KAT6A: variants seen among roughly 807,000 people sequenced by gnomAD.
KAT6A encodes histone acetyltransferase KAT6A.
KAT6A carries 9 observed loss-of-function variants against 198.4 expected under a neutral mutation model. The observed-to-expected ratio is 0.05, with a 90% CI of 0.03 to 0.08. KAT6A has a LOEUF of 0.08. Among genes scored for constraint, KAT6A ranks in the 10% least tolerant of loss-of-function variants. The probability of loss-of-function intolerance (pLI) is 1.00; values close to 1 mark genes in which losing one functional copy is unlikely to be tolerated. For missense variants in KAT6A, 2,077 were observed against 2,509.9 expected (o/e 0.83, Z 3.69); for synonymous variants, 890 against 883.0 (o/e 1.01, Z -0.14).
chr8:41,991,447 G>A (rs1824942202), intron 2 of KAT6A, among the ~76,000 whole-genome samples: 1 of 152,038 alleles, frequency 6.6e-6, no homozygotes, highest in Non-Finnish European at 1.5e-5. Context: ...TCAGGAAAGT[G>A]GTCACCTTTG....
At chr8:42,019,867 C>T (rs72641407) in intron 2 of KAT6A, among the ~76,000 whole-genome samples, 3,570 of 152,248 alleles carry the variant, frequency 0.023, 55 homozygotes, top group Middle Eastern at 0.044. Context: ...TTTAGGAGTT[C>T]TAACTAAAGT....
intron 8 of KAT6A, among the ~76,000 whole-genome samples, chr8:41,963,926 G>C (rs1823331310): frequency 6.6e-6 from 1 of 151,930 alleles, no homozygotes; most frequent in Non-Finnish European, 1.5e-5. Context: ...CTTGCTACTA[G>C]AAATGCCTTC....
chr8:42,032,958 C>T (rs1208763596), intron 2 of KAT6A, among the ~76,000 whole-genome samples: 1 of 144,772 alleles, frequency 6.9e-6, no homozygotes, highest in Non-Finnish European at 1.5e-5. Flanking sequence ...CAGCTCACGG[C>T]AAACTCTGCC....
chr8:41,940,807 T>C, intron 15 of KAT6A, 35 bp downstream of exon 15: 3 of 1,576,600 alleles, frequency 1.9e-6, no homozygotes, highest in Non-Finnish European at 2.6e-6. Context: ...AAACTGGAAT[T>C]GGAGGAAGAG....
At chr8:41,952,757 T>C (rs1475878395) in intron 9 of KAT6A, among the ~76,000 whole-genome samples, 1 of 152,182 alleles carries the variant, frequency 6.6e-6, no homozygotes, top group Admixed American at 6.5e-5. Flanking sequence ...AGGTTTATTA[T>C]TTGGAAAATG....
At chr8:41,967,462 A>ATTG in intron 8 of KAT6A, among the ~76,000 whole-genome samples, 1 of 92,308 alleles carries the variant, frequency 1.1e-5, no homozygotes. Context: ...CCACCCCACA[A>ATTG]CAGTCCTCAG....
At chr8:42,042,891 AG>A (rs1386854048) in intron 2 of KAT6A, among the ~76,000 whole-genome samples, 2 of 152,206 alleles carry the variant, frequency 1.3e-5, no homozygotes, top group South Asian at 4.1e-4. Flanking sequence ...TGAACTCAGA[AG>A]TTTGAAATCA....
At chr8:41,974,144 C>A (rs1426535776) in intron 8 of KAT6A, among the ~76,000 whole-genome samples, 1 of 151,744 alleles carries the variant, frequency 6.6e-6, no homozygotes, top group East Asian at 1.9e-4. Context: ...GTGGCATGAT[C>A]TCAGGTCACT....
Position 41,934,854 on chromosome 8 carries a change from T to C in KAT6A, c.3366A>G (p.Leu1122=). The part of the protein sequence containing the change: ...ESDDADDTPI[L]KPVSLLRKRD... ...GTTTTCGCAAAAGAGATACTGGCTT[T>C]AAGATAGGAGTGTCTATACAGGAAG... Residue 1122 remains leucine (L), a synonymous_variant, in exon 17 of 17, where the codon TTA becomes TTG. Coordinates refer to ENST00000265713, the MANE Select transcript of KAT6A (RefSeq NM_006766.5). 6.2e-7 allele frequency: 1 copy of C among 1,610,152 alleles called. No individual in the cohort carries two copies. The highest frequency in any genetic ancestry group is 8.5e-7 in the Non-Finnish European group (1 of 1,178,542).
At chr8:41,977,484 A>G (rs1347325492) in intron 6 of KAT6A, 157 bp from the exon 7 acceptor site, 2 of 506,940 alleles carry the variant, frequency 3.9e-6, no homozygotes. Context: ...TCTGTGAATG[A>G]AAATTAATAT....
At chr8:41,996,928 T>C (rs1447013884) in intron 2 of KAT6A, among the ~76,000 whole-genome samples, 3 of 152,028 alleles carry the variant, frequency 2.0e-5, no homozygotes, top group Non-Finnish European at 4.4e-5. Flanking sequence ...CAAAAGGACA[T>C]ATATTATATA....
At chr8:41,968,259 A>C (rs534145598) in intron 8 of KAT6A, among the ~76,000 whole-genome samples, 117 of 152,340 alleles carry the variant, frequency 7.7e-4, no homozygotes, top group African/African-American at 2.5e-3. Flanking sequence ...ATCTACAATG[A>C]ACTCAAACAA....
Position 41,940,848 on chromosome 8 carries a change from C to T in KAT6A, c.3033G>A (p.Lys1011=). 1 of 1,607,670 alleles carries T rather than the reference C, an allele frequency of 6.2e-7. No homozygotes were observed. Among genetic ancestry groups the T allele is most frequent in the Non-Finnish European group, 8.5e-7 (1 of 1,177,810 alleles). ...SPPILTKPTL[K]RKKPFLHRRR... ...CTGGAAAGAAATGCGTTACCTTTCG[C>T]TTCAGCGTGGGCTTTGTGAGAATTG... The change falls in exon 15 of 17, where the codon AAG becomes AAA. Residue 1011 remains lysine, a synonymous_variant. Coordinates refer to ENST00000265713, the MANE Select transcript of KAT6A (RefSeq NM_006766.5).
In KAT6A at chr8:41,951,180, A is replaced by C. The variant is rs534260197; in HGVS notation, c.1599-1817T>G. On this transcript the variant is annotated intron_variant, in intron 9 of 16. Coordinates refer to ENST00000265713, the MANE Select transcript of KAT6A (RefSeq NM_006766.5). ...CATTTTATTGATGATTAAAAAAAAA[A>C]AAACAAAACTTTAGTGAACCTTATT... 2.3e-3 allele frequency among the ~76,000 whole-genome samples: 347 copies of C among 152,188 alleles called. 1 individual carries two copies. The highest frequency in any genetic ancestry group is 8.0e-3 in the African/African-American group (334 of 41,558).
chr8:41,954,432 T>A (rs1414404675), intron 9 of KAT6A, among the ~76,000 whole-genome samples: 1 of 152,208 alleles, frequency 6.6e-6, no homozygotes, highest in Non-Finnish European at 1.5e-5. Flanking sequence ...AGCACCATGA[T>A]GTATTATTTC....
intron 2 of KAT6A, among the ~76,000 whole-genome samples, chr8:42,015,242 A>G (rs1040409994): frequency 1.3e-5 from 2 of 152,228 alleles, no homozygotes; most frequent in Non-Finnish European, 2.9e-5. Context: ...TGGCAGCCCT[A>G]TGCTACAGTA....
intron 15 of KAT6A, among the ~76,000 whole-genome samples, chr8:41,938,955 A>G (rs928382108): frequency 1.2e-4 from 12 of 98,866 alleles, no homozygotes; most frequent in South Asian, 4.0e-4. Flanking sequence ...CTGGGGAAGG[A>G]AAAAAAAAAA....
Position 41,947,732 on chromosome 8 carries a change from T to G in KAT6A, c.1902+19A>C, listed in dbSNP as rs766730460. The G allele has an allele frequency of 2.5e-6, 4 of 1,577,146 alleles. No individual in the cohort carries two copies. Among genetic ancestry groups the G allele is most frequent in the South Asian group, 1.2e-5 (1 of 84,740 alleles). Reference sequence around the variant, plus strand: ...GATTTCTATATGAGTTCAAACAAACTTTAAGCTGACATACTTACCTTAGAA... The same window carrying G: ...GATTTCTATATGAGTTCAAACAAACGTTAAGCTGACATACTTACCTTAGAA... On this transcript the variant is annotated intron_variant, in intron 11 of 16. Transcript: ENST00000265713.
At chr8:42,015,457 G>A (rs1326157788) in intron 2 of KAT6A, among the ~76,000 whole-genome samples, 1 of 152,174 alleles carries the variant, frequency 6.6e-6, no homozygotes, top group Non-Finnish European at 1.5e-5. Context: ...TCATAAAACA[G>A]CATTTGCCTG....
Sources: allele counts gnomAD v4.1 joint callset (sites outside exome capture counted in the v4.1 genomes callset), GRCh38; gene constraint gnomAD v4.1.1; transcripts MANE v1.5; gene names NCBI Gene and HGNC (gene_info 2026-07-23, HGNC 2026-07-21).